PUF60: variants seen among roughly 807,000 people sequenced by gnomAD.
The protein encoded by PUF60 is poly(U) binding splicing factor 60.
PUF60 carries 10 observed loss-of-function variants against 61.8 expected under a neutral mutation model. The ratio of observed to expected loss-of-function variants is 0.16; its 90% CI spans 0.10 to 0.27. PUF60 has a LOEUF of 0.27. PUF60 is among the 10% of genes least tolerant of loss of function. The pLI, the probability that PUF60 is intolerant of heterozygous loss-of-function variation, is 1.00. For missense variants in PUF60, 371 were observed against 754.0 expected (o/e 0.49, Z 5.95); for synonymous variants, 353 against 300.9 (o/e 1.17, Z -1.79).
chr8:143,821,005 G>C (rs1816949989), intron 4 of PUF60, among the ~76,000 whole-genome samples: 1 of 152,078 alleles, frequency 6.6e-6, no homozygotes, highest in South Asian at 2.1e-4. Context: ...ACATCTCCTG[G>C]TAGCGTGAAT....
At position 143,824,374 on chromosome 8, in the gene PUF60, C is replaced by T. The variant is rs2130383485; in HGVS notation, c.50G>A (p.Gly17Glu). ...ALQVNGQQGG[G>E]SEPAAAAAVV... ...TGCCGCCGCCGCCGCCGGCTCGGAC[C>T]CCCCTCCTTGCTGGCCATTGACCTG... The change falls in exon 2 of 12, where the codon GGG becomes GAG. Residue 17 changes from glycine (G) to glutamate (E), a missense_variant. By Grantham distance (98) the Gly-to-Glu change is moderately conservative (BLOSUM62 -2). Coordinates refer to ENST00000526683, the MANE Select transcript of PUF60 (RefSeq NM_078480.3). 1 of 1,612,412 alleles carries T rather than the reference C, an allele frequency of 6.2e-7. No individual in the cohort carries two copies. The highest frequency in any genetic ancestry group is 8.5e-7 in the Non-Finnish European group (1 of 1,179,786).
At chr8:143,827,646 T>C (rs971981049) in intron 1 of PUF60, 1 of 352,770 alleles carries the variant, frequency 2.8e-6, no homozygotes, top group Admixed American at 3.9e-5. Context: ...AAAAGAGGAA[T>C]GGGTTAGACC....
At chr8:143,826,416 T>C (rs533484893) in intron 1 of PUF60, among the ~76,000 whole-genome samples, 117 of 152,174 alleles carry the variant, frequency 7.7e-4, no homozygotes, top group African/African-American at 2.7e-3. Context: ...AAAAAAGATT[T>C]TTTTAAAAAG....
chr8:143,816,361 G>A lies in PUF60; in HGVS notation c.*159C>T, dbSNP rs537896696. On this transcript the variant is annotated 3_prime_UTR_variant, in exon 12 of 12. Coordinates refer to ENST00000526683, the MANE Select transcript of PUF60 (RefSeq NM_078480.3). ...GCCCAGGATCGGTGACAGGACCGAC[G>A]GCAGACACACGGACGTTCAGGGCCA... 1.1e-4 allele frequency: 88 copies of A among 797,698 alleles called. No individual in the cohort carries two copies. The highest frequency in any genetic ancestry group is 5.9e-4 in the East Asian group (22 of 37,224). 49.4% of individuals were successfully genotyped at this position (797,698 alleles called of 1,614,324 possible).
Position 143,816,914 on chromosome 8 carries a change from T to C in PUF60, c.1376A>G (p.Gln459Arg). 1.5e-6 allele frequency: 2 copies of C among 1,371,212 alleles called. No homozygotes were observed. The highest frequency in any genetic ancestry group is 1.2e-5 in the South Asian group (1 of 84,394). 84.9% of individuals were successfully genotyped at this position (1,371,212 alleles called of 1,614,324 possible). A position where few individuals can be genotyped will look rare whatever the true frequency, so the allele number is the denominator to read the frequency against. ...HMVMQKLLRKQESTVMVLRNM... is the reference protein window; with the variant it reads ...HMVMQKLLRKRESTVMVLRNM... ...CCACCCTGCCCCTCTGCCTACCTCC[T>C]GCTTGCGGAGCAGCTTCTGCATCAC... Residue 459 changes from glutamine (Q) to arginine (R), a missense_variant, in exon 11 of 12, where the codon CAG (glutamine) becomes CGG (arginine). This residue lies in a region of PUF60 where 38 missense variants were observed against 112.9 expected (regional missense o/e 0.34). Transcript: ENST00000526683.
At chr8:143,823,802 C>G (rs1449610212) in intron 2 of PUF60, among the ~76,000 whole-genome samples, 10 of 152,268 alleles carry the variant, frequency 6.6e-5, no homozygotes, top group Non-Finnish European at 1.5e-4. Context: ...CCACCTGCAC[C>G]CACTCTGGAG....
Position 143,818,803 on chromosome 8 carries a change from T to C in PUF60, c.349-269A>G, listed in dbSNP as rs1344476951. 2 of 528,956 alleles carry C rather than the reference T, an allele frequency of 3.8e-6. No homozygotes were observed. Among genetic ancestry groups the C allele is most frequent in the Non-Finnish European group, 6.7e-6 (2 of 298,282 alleles). 32.8% of individuals were successfully genotyped at this position (528,956 alleles called of 1,614,324 possible). A position where few individuals can be genotyped will look rare whatever the true frequency, so the allele number is the denominator to read the frequency against. ...AGACTGCGGCAGCAAAGCCGACAGA[T>C]GGTCAGGAGGCAGGGCTGTGCGCCC... is the stretch of plus-strand genomic sequence containing the variant. On this transcript the variant is annotated intron_variant, in intron 5 of 11. Transcript: ENST00000526683. The surrounding 1 kb of genome is among the most constrained non-coding windows in gnomAD (Gnocchi z 7.9).
Position 143,817,130 on chromosome 8 carries a change from C to G in PUF60, c.1160G>C (p.Arg387Pro). Residue 387 changes from arginine (R) to proline (P), a missense_variant, in exon 11 of 12, where the codon CGT becomes CCT. Physicochemically the swap from Arg to Pro is moderately radical, Grantham distance 103. Around this residue, in one of 13 missense-constraint regions of PUF60, gnomAD observed 68 missense variants for 69.4 expected, o/e 0.98. Transcript: ENST00000526683. This position sits in a 1 kb window ranked among gnomAD's most constrained non-coding sequence, Gnocchi z 7.4. ...PGVITGVTPA[R>P]PPIPVTIPSV... is the part of the protein sequence containing the mutation. ...GGGGATGGTGACCGGGATAGGAGGA[C>G]GGGCTGGGGTCACACCTGCAGGAAA... The G allele has an allele frequency of 6.2e-7, 1 of 1,604,394 alleles. No individual in the cohort carries two copies. Among genetic ancestry groups the G allele is most frequent in the South Asian group, 1.1e-5 (1 of 89,800 alleles).
intron 1 of PUF60, chr8:143,824,700 C>A: frequency 2.3e-6 from 1 of 429,876 alleles, no homozygotes; most frequent in Non-Finnish European, 4.2e-6. Context: ...GAAAGCCATC[C>A]TCTCCTGCCG....
intron 2 of PUF60, among the ~76,000 whole-genome samples, chr8:143,823,877 T>C (rs1817307200): frequency 6.6e-6 from 1 of 152,278 alleles, no homozygotes; most frequent in African/African-American, 2.4e-5. Context: ...ACTTGCGCAT[T>C]GCTTCACTGT....
At chr8:143,827,866 T>G (rs1191852025) in intron 1 of PUF60, among the ~76,000 whole-genome samples, 1 of 152,178 alleles carries the variant, frequency 6.6e-6, no homozygotes, top group Non-Finnish European at 1.5e-5. Context: ...TTAACCCTCA[T>G]GAGCACAGGG....
chr8:143,818,876 G>A lies in PUF60; in HGVS notation c.349-342C>T, dbSNP rs566753379. ...GTCTGGGGGCTGGGTATCCCAGGCT[G>A]GGCTGGGAGATCCTCCCACTGTCCC... On this transcript the variant is annotated intron_variant, in intron 5 of 11. Transcript: ENST00000526683. The surrounding 1 kb of genome is among the most constrained non-coding windows in gnomAD (Gnocchi z 7.9). The A allele has an allele frequency of 2.3e-5, 8 of 344,854 alleles. No individual in the cohort carries two copies. The highest frequency in any genetic ancestry group is 4.4e-5 in the Admixed American group (1 of 22,472). The allele number at this position is 344,854 out of a possible 1,614,324, so 21.4% of individuals were successfully genotyped here.
Position 143,829,271 on chromosome 8 carries a change from C to A in PUF60, c.24+9G>T. The A allele has an allele frequency of 1.6e-6, 2 of 1,258,402 alleles. No homozygotes were observed. The highest frequency in any genetic ancestry group is 5.9e-5 in the South Asian group (2 of 33,652). 78.0% of individuals were successfully genotyped at this position (1,258,402 alleles called of 1,614,324 possible). A position where few individuals can be genotyped will look rare whatever the true frequency, so the allele number is the denominator to read the frequency against. On this transcript the variant is annotated intron_variant, in intron 1 of 11. Transcript: ENST00000526683. The stretch of plus-strand genomic sequence containing the variant: ...AGGGCCGCCCGCGCTCATGGGGGGG[C>A]TCACTTACGAGAGCTATGGTCGCCG...
At chr8:143,827,550 AG>A (rs1349963568) in intron 1 of PUF60, 1 of 433,846 alleles carries the variant, frequency 2.3e-6, no homozygotes, top group South Asian at 1.6e-5. Context: ...AAGCAGCATG[AG>A]ACAGGGGACA....
rs755784460 is a variant in PUF60, at chr8:143,824,307, C to T, written c.111+6G>A. 24 of 1,607,138 alleles carry T rather than the reference C, an allele frequency of 1.5e-5. No individual in the cohort carries two copies. Among genetic ancestry groups the T allele is most frequent in the Admixed American group, 3.4e-5 (2 of 59,524 alleles). On this transcript the variant is annotated splice_donor_region_variant and intron_variant, in intron 2 of 11. Coordinates refer to ENST00000526683, the MANE Select transcript of PUF60 (RefSeq NM_078480.3). ...GCCTGAGGGAGAGGATGCTTAAGGT[C>T]AGTACCTGTGGAGGTTTCCATTTGT...
At chr8:143,822,817 C>A (rs1817174222) in intron 2 of PUF60, 1 of 339,760 alleles carries the variant, frequency 2.9e-6, no homozygotes. Flanking sequence ...AAACAGCATG[C>A]CTGCGCCTGT....
chr8:143,828,213 C>A (rs1390006705), intron 1 of PUF60, among the ~76,000 whole-genome samples: 1 of 152,222 alleles, frequency 6.6e-6, no homozygotes, highest in African/African-American at 2.4e-5. Flanking sequence ...GACATGGGAC[C>A]AGCCCGCCCG....
intron 5 of PUF60, among the ~76,000 whole-genome samples, chr8:143,820,067 T>A (rs533484550): frequency 1.3e-5 from 2 of 152,086 alleles, no homozygotes; most frequent in East Asian, 1.9e-4. Flanking sequence ...GAGGGACACC[T>A]CCTTCCCACA....
rs1318775298 is a variant in PUF60 at position 143,817,184 on chromosome 8, C to T, written c.1145-39G>A. The T allele has an allele frequency of 5.2e-6, 8 of 1,540,476 alleles. No homozygotes were observed. Among genetic ancestry groups the T allele is most frequent in the African/African-American group, 1.4e-5 (1 of 73,332 alleles). On this transcript the variant is annotated intron_variant, in intron 10 of 11. Coordinates refer to ENST00000526683, the MANE Select transcript of PUF60 (RefSeq NM_078480.3). This position sits in a 1 kb window ranked among gnomAD's most constrained non-coding sequence, Gnocchi z 7.4. ...AACCAGGTCCATCAGTCACTCCCTA[C>T]CACCCCCCTTCCCAGAAAGGCACAG...
Sources: gnomAD v4.1 joint callset for allele counts (sites outside exome capture counted in the v4.1 genomes callset) on GRCh38, gnomAD v4.1.1 for gene constraint, gnomAD v4.1.1 regional missense constraint, Gnocchi (gnomAD v3.1) non-coding constraint, MANE v1.5 for transcripts, NCBI Gene and HGNC (gene_info 2026-07-23, HGNC 2026-07-21) for gene names.